Variants in VWA3B observed in about 807,000 individuals in gnomAD.
The protein encoded by VWA3B is von Willebrand factor A domain containing 3B.
A neutral mutation model predicts 158.3 loss-of-function variants in VWA3B; 138 were observed. The ratio of observed to expected loss-of-function variants is 0.87; its 90% CI spans 0.76 to 1.00. VWA3B has a LOEUF of 1.00. VWA3B is among the 50% of genes least tolerant of loss of function. The pLI is 0.00. For missense variants in VWA3B, 1,555 were observed against 1,565.1 expected, an observed-to-expected ratio of 0.99 and a Z score of 0.11; for synonymous variants, 596 against 587.3, an observed-to-expected ratio of 1.01 and a Z score of -0.21.
rs148410928 is a variant in VWA3B at position 98,242,410 on chromosome 2, A to G, written c.2673+5680A>G. ...ATTAACTCTTCCCCAAGTCATATAC[A>G]CAATAAAACTGATTTAGCTATGTAA... is the stretch of plus-strand genomic sequence containing the variant. On this transcript the variant is annotated intron_variant, in intron 19 of 27. Transcript: ENST00000477737. 3.9e-4 allele frequency: 162 copies of G among 417,834 alleles called. 1 individual carries two copies. Among genetic ancestry groups the G allele is most frequent in the African/African-American group, 3.1e-3 (149 of 48,232 alleles). 25.9% of individuals were successfully genotyped at this position (417,834 alleles called of 1,614,324 possible). A position where few individuals can be genotyped will look rare whatever the true frequency, so the allele number is the denominator to read the frequency against.
chr2:98,314,800 A>C (rs554364682), downstream of VWA3B, among the ~76,000 whole-genome samples: 1 of 152,292 alleles, frequency 6.6e-6, no homozygotes, highest in African/African-American at 2.4e-5. Context: ...AGGTGGGTGG[A>C]TCACCTGAGC....
chr2:98,098,521 A>C (rs1157459279), intron 2 of VWA3B, among the ~76,000 whole-genome samples: 1 of 152,140 alleles, frequency 6.6e-6, no homozygotes, highest in African/African-American at 2.4e-5. Flanking sequence ...TCTGACATAA[A>C]CATAGCTACC....
chr2:98,118,301 G>A (rs1325059811), intron 3 of VWA3B, among the ~76,000 whole-genome samples: 2 of 152,148 alleles, frequency 1.3e-5, no homozygotes, highest in African/African-American at 4.8e-5. Context: ...AAGCCTCCAA[G>A]AAGTGATGCT....
chr2:98,312,116 G>A (rs1690942960), intron 27 of VWA3B, 84 bp downstream of exon 27: 1 of 1,612,924 alleles, frequency 6.2e-7, no homozygotes, highest in Non-Finnish European at 8.5e-7. Context: ...ACCTAACATC[G>A]TCCTTCAGAT....
intron 21 of VWA3B, among the ~76,000 whole-genome samples, chr2:98,268,273 T>C (rs1574241108): frequency 6.6e-6 from 1 of 152,060 alleles, no homozygotes; most frequent in Admixed American, 6.5e-5. Flanking sequence ...TTGATGAACA[T>C]TGATGCAAAA....
At chr2:98,109,792 CTTT>C (rs35707535) in intron 2 of VWA3B, among the ~76,000 whole-genome samples, 2 of 130,478 alleles carry the variant, frequency 1.5e-5, no homozygotes, top group Non-Finnish European at 1.7e-5. Flanking sequence ...GTTGATAGTT[CTTT>C]TTTTTTTTTT....
In VWA3B at chr2:98,212,647, C is replaced by T. The variant is rs544651790; in HGVS notation, c.1836+619C>T. Among the ~76,000 whole-genome samples the T allele has an allele frequency of 3.3e-5, 5 of 152,284 alleles. No individual in the cohort carries two copies. The East Asian group carries it at 7.7e-4, about 24-fold the overall frequency. The stretch of plus-strand genomic sequence containing the variant: ...GCTAAAGTGAATTAGTGTCAACTCG[C>T]GTCCTTCCTTGTGAGATGGTTTGCA... On this transcript the variant is annotated intron_variant, in intron 13 of 27. Transcript: ENST00000477737.
intron 22 of VWA3B, among the ~76,000 whole-genome samples, chr2:98,282,645 G>A (rs62157918): frequency 0.039 from 5,913 of 151,876 alleles, 166 homozygotes; most frequent in Middle Eastern, 0.075. Flanking sequence ...TGCCATGTTG[G>A]CCAGGCTGGT....
intron 12 of VWA3B, among the ~76,000 whole-genome samples, chr2:98,202,093 T>C (rs1682595674): frequency 6.6e-6 from 1 of 152,194 alleles, no homozygotes; most frequent in African/African-American, 2.4e-5. Context: ...ATTGATATGA[T>C]TTTTCCTTAA....
At position 98,256,142 on chromosome 2, in the gene VWA3B, T is replaced by A. The variant is rs77642796; in HGVS notation, c.2811T>A (p.Val937=). The A allele has an allele frequency of 6.7e-4, 1,087 of 1,613,686 alleles. 12 individuals carry two copies. The African/African-American group carries it at 0.013, about 19-fold the overall frequency. The change falls in exon 21 of 28, where the codon GTT becomes GTA. Residue 937 remains valine (V), a synonymous_variant. Coordinates refer to ENST00000477737, the MANE Select transcript of VWA3B (RefSeq NM_144992.5). ...QSYEKRLNKI[V]WRALSQEEKE... ...TTAACAGGCGCTTGAATAAAATTGT[T>A]TGGCGAGCATTATCTCAAGAGGAAA...
At chr2:98,247,530 G>A (rs1343143139) in intron 19 of VWA3B, among the ~76,000 whole-genome samples, 1 of 152,026 alleles carries the variant, frequency 6.6e-6, no homozygotes, top group East Asian at 1.9e-4. Context: ...TATCTAAAAA[G>A]CATCTTTAGT....
At chr2:98,229,964 A>G in intron 15 of VWA3B, 86 bp from the exon 16 acceptor site, 1 of 1,410,876 alleles carries the variant, frequency 7.1e-7, no homozygotes, top group Admixed American at 2.6e-5. Context: ...GTTCAACATG[A>G]ATGTATTGAC....
chr2:98,316,907 A>G (rs1355389602), downstream of VWA3B, among the ~76,000 whole-genome samples: 1 of 152,138 alleles, frequency 6.6e-6, no homozygotes, highest in African/African-American at 2.4e-5. Flanking sequence ...AGGCCTCCCC[A>G]GAAGCAGATG....
intron 6 of VWA3B, among the ~76,000 whole-genome samples, chr2:98,129,022 C>T (rs2105017603): frequency 6.6e-6 from 1 of 152,320 alleles, no homozygotes; most frequent in South Asian, 2.1e-4. Flanking sequence ...TCAGCTTGGG[C>T]TGCCATAACA....
At chr2:98,107,030 G>A (rs1348074829) in intron 2 of VWA3B, among the ~76,000 whole-genome samples, 1 of 152,152 alleles carries the variant, frequency 6.6e-6, no homozygotes, top group Non-Finnish European at 1.5e-5. Flanking sequence ...GATATTCCTA[G>A]TAATCTGAGA....
intron 7 of VWA3B, among the ~76,000 whole-genome samples, chr2:98,147,118 T>C (rs1348714050): frequency 6.6e-6 from 1 of 152,252 alleles, no homozygotes; most frequent in Non-Finnish European, 1.5e-5. Flanking sequence ...AGAATGTAAT[T>C]TGTAATATTA....
At chr2:98,320,450 G>A in the VWA3B span, among the ~76,000 whole-genome samples, 2 of 152,324 alleles carry the variant, frequency 1.3e-5, no homozygotes, top group African/African-American at 4.8e-5. Context: ...TGGATAACAG[G>A]CAGAGGTTGG....
rs534569680 is a variant in VWA3B, at chr2:98,237,124, G to T, written c.2673+394G>T. ...CTGAGACATCGAGGCTGCAGTGAGCGGTGATTGCGTCACCGCATTCCAGCC... is the reference window on the plus strand; with the variant it reads ...CTGAGACATCGAGGCTGCAGTGAGCTGTGATTGCGTCACCGCATTCCAGCC... On this transcript the variant is annotated intron_variant, in intron 19 of 27. Coordinates refer to ENST00000477737, the MANE Select transcript of VWA3B (RefSeq NM_144992.5). 2.0e-5 allele frequency among the ~76,000 whole-genome samples: 3 copies of T among 152,336 alleles called. No individual in the cohort carries two copies. The South Asian group carries it at 6.2e-4, about 32-fold the overall frequency.
intron 21 of VWA3B, among the ~76,000 whole-genome samples, chr2:98,268,749 A>T (rs1469479076): frequency 6.6e-6 from 1 of 151,138 alleles, no homozygotes; most frequent in Non-Finnish European, 1.5e-5. Context: ...TTAAATTCTG[A>T]TACCCAGATT....
Sources: allele counts gnomAD v4.1 joint callset (sites outside exome capture counted in the v4.1 genomes callset), GRCh38; gene constraint gnomAD v4.1.1; transcripts MANE v1.5; gene names NCBI Gene and HGNC (gene_info 2026-07-23, HGNC 2026-07-21).